The following CFAP47 variants were observed in gnomAD, a reference collection of about 807,000 sequenced individuals.
CFAP47 encodes the protein cilia and flagella associated protein 47.
A neutral mutation model predicts 148.1 loss-of-function variants in CFAP47; 29 were observed. That is an observed-to-expected ratio of 0.20 (90% CI 0.15 to 0.27). CFAP47 has a LOEUF of 0.27. Among genes scored for constraint, CFAP47 ranks in the 10% least tolerant of loss-of-function variants. The pLI, the probability that CFAP47 is intolerant of heterozygous loss-of-function variation, is 1.00. For missense variants in CFAP47, 1,872 were observed against 1,697.5 expected (o/e 1.10, Z -1.81); for synonymous variants, 664 against 577.3 (o/e 1.15, Z -2.15).
At chrX:36,309,855 A>T (rs782108115) in intron 55 of CFAP47, among the ~76,000 whole-genome samples, 57 of 111,426 alleles carry the variant, frequency 5.1e-4, no homozygotes, top group African/African-American at 1.8e-3. Flanking sequence ...TTGAAAATAT[A>T]GTTAATTTGT....
chrX:35,943,538 T>A (rs191707304), intron 3 of CFAP47, among the ~76,000 whole-genome samples: 2 of 111,563 alleles, frequency 1.8e-5, no homozygotes, highest in Admixed American at 1.9e-4. Context: ...TGTTTCCTCA[T>A]CCTTTATAGA....
intron 1 of CFAP47, 32 bp downstream of exon 1, chrX:35,920,080 C>T: frequency 8.7e-7 from 1 of 1,142,900 alleles, no homozygotes. Flanking sequence ...GGAGCGGGAC[C>T]TTGTGAGAGC....
At chrX:35,955,811 A>G in intron 7 of CFAP47, 150 bp from the exon 8 acceptor site, 1 of 853,015 alleles carries the variant, frequency 1.2e-6, no homozygotes, top group Non-Finnish European at 1.6e-6. Context: ...GGCGTGACAC[A>G]GAGAAGACAC....
chrX:35,951,419 T>C, intron 5 of CFAP47, 60 bp downstream of exon 5: 1 of 746,905 alleles, frequency 1.3e-6, no homozygotes, highest in Non-Finnish European at 2.0e-6. Context: ...TTGTGTTAAA[T>C]CTAATAATAA....
At chrX:36,268,750 A>G (rs1174750747) in intron 49 of CFAP47, among the ~76,000 whole-genome samples, 2 of 112,207 alleles carry the variant, frequency 1.8e-5, no homozygotes, top group Non-Finnish European at 3.8e-5. Context: ...GTCAAATGAA[A>G]ATGTGATTTG....
intron 63 of CFAP47, among the ~76,000 whole-genome samples, chrX:36,381,888 T>A (rs1446815199): frequency 3.6e-5 from 4 of 110,497 alleles, no homozygotes; most frequent in African/African-American, 1.3e-4. Context: ...ATTGATAATA[T>A]ATAAGTAATA....
chrX:36,364,901 CATATATATAT>C (rs60748143), intron 61 of CFAP47, among the ~76,000 whole-genome samples: 1,952 of 67,314 alleles, frequency 0.029, 33 homozygotes, highest in Middle Eastern at 0.05. Flanking sequence ...ATATTTTGTG[CATATATATAT>C]ATATATATAT....
intron 46 of CFAP47, among the ~76,000 whole-genome samples, chrX:36,230,945 G>C (rs1256206271): frequency 1.9e-5 from 2 of 103,757 alleles, no homozygotes; most frequent in Admixed American, 2.1e-4. Context: ...ATTTCTGAGG[G>C]CTCTGTTCTG....
intron 10 of CFAP47, among the ~76,000 whole-genome samples, chrX:35,969,889 T>G (rs1936462421): frequency 8.9e-6 from 1 of 112,205 alleles, no homozygotes; most frequent in African/African-American, 3.2e-5. Flanking sequence ...ACTTTGTGAC[T>G]AATACCTTCA....
intron 33 of CFAP47, among the ~76,000 whole-genome samples, chrX:36,110,774 T>C (rs1310650174): frequency 8.9e-6 from 1 of 112,075 alleles, no homozygotes; most frequent in Non-Finnish European, 1.9e-5. Context: ...TGGTGTCATC[T>C]CTGATTTCTT....
At chrX:35,983,857 G>A (rs1254697029) in intron 15 of CFAP47, among the ~76,000 whole-genome samples, 3 of 111,884 alleles carry the variant, frequency 2.7e-5, no homozygotes, top group Non-Finnish European at 5.6e-5. Context: ...TGTTGGATAT[G>A]GCTTGCTAGT....
intron 45 of CFAP47, among the ~76,000 whole-genome samples, chrX:36,221,688 T>C (rs1555990804): frequency 1.8e-5 from 2 of 111,339 alleles, no homozygotes; most frequent in East Asian, 2.8e-4. Flanking sequence ...ATAGTTGGCA[T>C]AGATATATTA....
intron 55 of CFAP47, among the ~76,000 whole-genome samples, chrX:36,310,526 G>T (rs965471866): frequency 9.1e-6 from 1 of 109,301 alleles, no homozygotes; most frequent in Non-Finnish European, 1.9e-5. Flanking sequence ...AACTTGAACA[G>T]AAGTGCCAGG....
intron 15 of CFAP47, among the ~76,000 whole-genome samples, chrX:35,984,978 T>G (rs1382738045): frequency 9.0e-6 from 1 of 111,639 alleles, no homozygotes; most frequent in African/African-American, 3.3e-5. Flanking sequence ...TTTTTGAGTT[T>G]AGGACCCGAA....
chrX:36,241,268 T>G (rs993081073), intron 48 of CFAP47, among the ~76,000 whole-genome samples: 2 of 111,965 alleles, frequency 1.8e-5, no homozygotes, highest in African/African-American at 6.5e-5. Flanking sequence ...TCAGCTAACA[T>G]GGAGCCAGGG....
chrX:36,056,025 T>G (rs1937552200), intron 26 of CFAP47, among the ~76,000 whole-genome samples: 1 of 111,438 alleles, frequency 9.0e-6, no homozygotes, highest in African/African-American at 3.3e-5. Flanking sequence ...TCTTGTAGAT[T>G]TCTTTAAGTT....
In CFAP47 at chrX:36,065,683, C is replaced by A; in HGVS notation, c.4258C>A (p.Leu1420Ile). 1 of 1,199,167 alleles carries A rather than the reference C, an allele frequency of 8.3e-7. No individual in the cohort carries two copies. The highest frequency in any genetic ancestry group is 1.1e-6 in the Non-Finnish European group (1 of 886,222). ...TACTGCAACAGCAGAAAACTGCATT[C>A]TTACTATTTACCCATATATGGCAAT... is the stretch of plus-strand genomic sequence containing the variant. ...PVTATAENCI[L>I]TIYPYMAIHL... is the part of the protein sequence containing the mutation. Residue 1420 changes from leucine to isoleucine, a missense_variant, in exon 27 of 64, where the codon CTT becomes ATT. By Grantham distance (5) the Leu-to-Ile change is conservative. Coordinates refer to ENST00000378653, the MANE Select transcript of CFAP47 (RefSeq NM_001304548.2).
At chrX:36,040,984 A>G (rs1937397018) in intron 25 of CFAP47, among the ~76,000 whole-genome samples, 1 of 112,043 alleles carries the variant, frequency 8.9e-6, no homozygotes, top group South Asian at 3.6e-4. Context: ...CAGCAAAATT[A>G]TCCATACATG....
At chrX:36,087,373 A>G (rs767839868) in intron 30 of CFAP47, among the ~76,000 whole-genome samples, 6 of 112,387 alleles carry the variant, frequency 5.3e-5, no homozygotes, top group Non-Finnish European at 1.1e-4. Context: ...GAATTTCTGT[A>G]AAGAGATTCT....
Sources: gnomAD v4.1 joint callset for allele counts (sites outside exome capture counted in the v4.1 genomes callset) on GRCh38, gnomAD v4.1.1 for gene constraint, MANE v1.5 for transcripts, NCBI Gene and HGNC (gene_info 2026-07-23, HGNC 2026-07-21) for gene names.